OR10J1: variants seen among roughly 807,000 people sequenced by gnomAD.
OR10J1 encodes the protein olfactory receptor family 10 subfamily J member 1.
For missense variants in OR10J1, 474 were observed against 376.6 expected (o/e 1.26, Z -2.14); for synonymous variants, 202 against 143.8 (o/e 1.40, Z -2.89).
At chr1:159,419,395 G>A in the OR10J1 span, among the ~76,000 whole-genome samples, 2 of 152,176 alleles carry the variant, frequency 1.3e-5, no homozygotes, top group Non-Finnish European at 2.9e-5. Context: ...TAAGTCTCAT[G>A]AGATCTGATG....
At chr1:159,432,574 A>G in the OR10J1 span, 1 of 472,716 alleles carries the variant, frequency 2.1e-6, no homozygotes, top group Admixed American at 3.2e-5. Context: ...TATGACCACT[A>G]TGTGGCCATC....
chr1:159,411,004 C>T, the OR10J1 span, among the ~76,000 whole-genome samples: 85 of 152,074 alleles, frequency 5.6e-4, no homozygotes, highest in Non-Finnish European at 1.0e-3. Context: ...TGTAGTTGAG[C>T]GGTTTTGAGT....
upstream of OR10J1, among the ~76,000 whole-genome samples, chr1:159,436,078 T>C (rs1248368002): frequency 6.6e-6 from 1 of 152,152 alleles, no homozygotes; most frequent in African/African-American, 2.4e-5. Context: ...CCTGTCCTTT[T>C]TGCCAGATAC....
chr1:159,430,874 T>A, the OR10J1 span, among the ~76,000 whole-genome samples: 3 of 152,184 alleles, frequency 2.0e-5, no homozygotes, highest in Non-Finnish European at 4.4e-5. Flanking sequence ...ACATTATTAT[T>A]CTATTTTGTA....
upstream of OR10J1, among the ~76,000 whole-genome samples, chr1:159,434,371 A>G (rs536923581): frequency 4.2e-4 from 64 of 152,322 alleles, no homozygotes; most frequent in African/African-American, 1.5e-3. Flanking sequence ...GATCCTATTC[A>G]TGATATCTTG....
the OR10J1 span, among the ~76,000 whole-genome samples, chr1:159,430,050 C>A: frequency 1.3e-5 from 2 of 152,014 alleles, no homozygotes; most frequent in Non-Finnish European, 2.9e-5. Flanking sequence ...CTAAATGTGA[C>A]CTCGTGGCCC....
chr1:159,434,579 G>A (rs546302888), upstream of OR10J1, among the ~76,000 whole-genome samples: 1 of 152,172 alleles, frequency 6.6e-6, no homozygotes, highest in Non-Finnish European at 1.5e-5. Context: ...CAATGACCTT[G>A]AGTAGGAGAT....
At chr1:159,397,655 G>T in the OR10J1 span, among the ~76,000 whole-genome samples, 1 of 152,140 alleles carries the variant, frequency 6.6e-6, no homozygotes, top group Non-Finnish European at 1.5e-5. Flanking sequence ...ATGGGGGTGA[G>T]ATTCTTCTGC....
At chr1:159,402,579 A>G in the OR10J1 span, among the ~76,000 whole-genome samples, 1 of 152,094 alleles carries the variant, frequency 6.6e-6, no homozygotes, top group South Asian at 2.1e-4. Context: ...TCTATAATGA[A>G]AACTATAAAA....
At chr1:159,405,573 G>A in the OR10J1 span, 2 of 385,106 alleles carry the variant, frequency 5.2e-6, no homozygotes, top group Non-Finnish European at 5.3e-6. Context: ...TCTGCCCCAG[G>A]AAACTCTGGG....
chr1:159,432,883 C>T (rs568928217), upstream of OR10J1: 2 of 418,372 alleles, frequency 4.8e-6, no homozygotes, highest in African/African-American at 2.0e-5. Context: ...CCACCATCCT[C>T]AAGATTGCAT....
At chr1:159,410,376 G>T in the OR10J1 span, among the ~76,000 whole-genome samples, 1 of 152,068 alleles carries the variant, frequency 6.6e-6, no homozygotes, top group Admixed American at 6.6e-5. Context: ...CAATTTCAGA[G>T]CCTGTAATTG....
the OR10J1 span, among the ~76,000 whole-genome samples, chr1:159,428,572 G>A: frequency 6.6e-6 from 1 of 152,138 alleles, no homozygotes; most frequent in Non-Finnish European, 1.5e-5. Flanking sequence ...AAGACTTGCT[G>A]CCCAACTTTA....
chr1:159,405,764 CACTG>C, the OR10J1 span: 2 of 1,286,000 alleles, frequency 1.6e-6, no homozygotes, highest in Non-Finnish European at 2.2e-6. Flanking sequence ...AGGACACAGA[CACTG>C]ACAACAAAGT....
chr1:159,427,358 T>C, the OR10J1 span, among the ~76,000 whole-genome samples: 3 of 151,778 alleles, frequency 2.0e-5, no homozygotes, highest in Non-Finnish European at 4.4e-5. Flanking sequence ...AGATATTTTA[T>C]TTTTTAAGTT....
chr1:159,400,412 G>A, the OR10J1 span, among the ~76,000 whole-genome samples: 1 of 151,580 alleles, frequency 6.6e-6, no homozygotes, highest in African/African-American at 2.4e-5. Context: ...ACTAAAAAGA[G>A]CAGGAGTCAC....
the OR10J1 span, among the ~76,000 whole-genome samples, chr1:159,398,410 A>G: frequency 6.6e-6 from 1 of 152,206 alleles, no homozygotes; most frequent in Non-Finnish European, 1.5e-5. Flanking sequence ...TTAACTAAAT[A>G]AGGCACTAGG....
At chr1:159,411,753 G>A in the OR10J1 span, among the ~76,000 whole-genome samples, 4 of 152,018 alleles carry the variant, frequency 2.6e-5, no homozygotes, top group South Asian at 8.3e-4. Flanking sequence ...GATGTTAGCT[G>A]GTTATTTTGC....
At chr1:159,432,169 C>A in the OR10J1 span, 1 of 400,490 alleles carries the variant, frequency 2.5e-6, no homozygotes, top group Admixed American at 4.4e-5. Context: ...GCTCAACATT[C>A]CCACTTCATC....
Sources: allele counts gnomAD v4.1 joint callset (sites outside exome capture counted in the v4.1 genomes callset), GRCh38; gene constraint gnomAD v4.1.1; transcripts MANE v1.5; gene names NCBI Gene and HGNC (gene_info 2026-07-23, HGNC 2026-07-21).